The following FBXW10B variants were observed in gnomAD, a reference collection of about 807,000 sequenced individuals.
The protein encoded by FBXW10B is F-box and WD repeat domain containing 10B, also known as F-box and WD repeat domain containing protein 10B.
the FBXW10B span, among the ~76,000 whole-genome samples, chr17:15,615,040 T>C: frequency 1.3e-5 from 2 of 152,266 alleles, no homozygotes; most frequent in East Asian, 3.9e-4. Flanking sequence ...AAATCATTGA[T>C]AGTTTCCTTT....
chr17:15,569,147 A>T, the FBXW10B span: 1 of 717,030 alleles, frequency 1.4e-6, no homozygotes, highest in African/African-American at 1.7e-5. Flanking sequence ...CCTTTTGTGT[A>T]GATACTCAGT....
the FBXW10B span, chr17:15,593,365 C>A: frequency 1.9e-6 from 3 of 1,614,166 alleles, no homozygotes; most frequent in Middle Eastern, 1.7e-4. Context: ...AAGGACAGCA[C>A]AGGATCGCCT....
At chr17:15,568,185 C>T in the FBXW10B span, among the ~76,000 whole-genome samples, 1 of 152,168 alleles carries the variant, frequency 6.6e-6, no homozygotes, top group East Asian at 1.9e-4. Context: ...AGGCAACACA[C>T]GTGCATTAAA....
chr17:15,606,905 T>G, the FBXW10B span, among the ~76,000 whole-genome samples: 1 of 152,186 alleles, frequency 6.6e-6, no homozygotes, highest in South Asian at 2.1e-4. Flanking sequence ...AGAAGTGGAC[T>G]TTGCAAAACC....
the FBXW10B span, chr17:15,566,389 G>A: frequency 4.4e-6 from 6 of 1,367,924 alleles, no homozygotes; most frequent in Middle Eastern, 1.9e-4. Flanking sequence ...TTAAAAAATC[G>A]GCGTTCTATG....
chr17:15,611,301 C>T, the FBXW10B span, among the ~76,000 whole-genome samples: 2 of 152,178 alleles, frequency 1.3e-5, no homozygotes, highest in Admixed American at 6.5e-5. Flanking sequence ...GGATTACAGG[C>T]GTGAGCCGCT....
chr17:15,565,555 A>G, the FBXW10B span: 1 of 1,613,680 alleles, frequency 6.2e-7, no homozygotes, highest in East Asian at 2.2e-5. Context: ...ATTTTGTCCA[A>G]GTTCAGGGGC....
the FBXW10B span, chr17:15,594,777 C>T: frequency 6.2e-7 from 1 of 1,613,936 alleles, no homozygotes; most frequent in Non-Finnish European, 8.5e-7. Flanking sequence ...TCAGGCAGCG[C>T]TCGTACTTCC....
At chr17:15,598,353 A>G in the FBXW10B span, 1 of 734,618 alleles carries the variant, frequency 1.4e-6, no homozygotes, top group Non-Finnish European at 1.6e-6. Context: ...CGGTTGTTGA[A>G]TGGATGGATT....
At chr17:15,608,184 C>A in the FBXW10B span, among the ~76,000 whole-genome samples, 21,071 of 133,506 alleles carry the variant, frequency 0.16, 1,767 homozygotes, top group East Asian at 0.26. Context: ...TTTTTTCAGA[C>A]GGAGTCTCGC....
At chr17:15,582,827 G>A in the FBXW10B span, among the ~76,000 whole-genome samples, 3 of 151,912 alleles carry the variant, frequency 2.0e-5, no homozygotes, top group African/African-American at 4.8e-5. Context: ...AGGAGGGCCC[G>A]CTCTCTGCTT....
the FBXW10B span, among the ~76,000 whole-genome samples, chr17:15,609,452 T>C: frequency 6.6e-6 from 1 of 152,064 alleles, no homozygotes; most frequent in African/African-American, 2.4e-5. Context: ...CAGGTGAGAA[T>C]TCATTGGCCC....
the FBXW10B span, among the ~76,000 whole-genome samples, chr17:15,608,682 G>A: frequency 6.6e-6 from 1 of 150,600 alleles, no homozygotes; most frequent in Non-Finnish European, 1.5e-5. Context: ...TCGAACTCCT[G>A]ACCTCACGTG....
the FBXW10B span, among the ~76,000 whole-genome samples, chr17:15,583,779 G>A: frequency 4.4e-3 from 664 of 152,202 alleles, 1 homozygote; most frequent in Non-Finnish European, 6.7e-3. Context: ...CTGTTTCCAA[G>A]TTATTTTACT....
At chr17:15,613,780 A>G in the FBXW10B span, 1 of 1,612,452 alleles carries the variant, frequency 6.2e-7, no homozygotes, top group Non-Finnish European at 8.5e-7. Flanking sequence ...AAACCCCAGA[A>G]CTGGGCCAAG....
the FBXW10B span, among the ~76,000 whole-genome samples, chr17:15,591,359 G>A: frequency 2.0e-5 from 3 of 152,166 alleles, no homozygotes; most frequent in South Asian, 2.1e-4. Context: ...GTGCGATCTC[G>A]GCTCACTGCA....
the FBXW10B span, among the ~76,000 whole-genome samples, chr17:15,587,291 G>C: frequency 6.6e-6 from 1 of 151,442 alleles, no homozygotes; most frequent in Admixed American, 6.6e-5. Flanking sequence ...GAACAGGTGG[G>C]TGGAAATGCC....
At chr17:15,616,479 A>T in the FBXW10B span, among the ~76,000 whole-genome samples, 967 of 152,012 alleles carry the variant, frequency 6.4e-3, 10 homozygotes, top group African/African-American at 0.022. Context: ...CAGAACATTT[A>T]ATTTTTTAAG....
At chr17:15,612,821 C>A in the FBXW10B span, 6 of 1,605,700 alleles carry the variant, frequency 3.7e-6, no homozygotes, top group African/African-American at 1.4e-5. Flanking sequence ...TTGTATAGGA[C>A]CCCTGGAAAA....
Sources: allele counts gnomAD v4.1 joint callset (sites outside exome capture counted in the v4.1 genomes callset), GRCh38; gene constraint gnomAD v4.1.1; transcripts MANE v1.5; gene names NCBI Gene and HGNC (gene_info 2026-07-23, HGNC 2026-07-21).